Variants in THAP12 observed in about 807,000 individuals in gnomAD.
THAP12 encodes the protein THAP domain containing 12.
THAP12 carries 20 observed loss-of-function variants against 63.0 expected under a neutral mutation model. That is an observed-to-expected ratio of 0.32 (90% CI 0.22 to 0.46). The LOEUF (loss-of-function observed/expected upper bound fraction) is 0.46. THAP12 is among the 20% of genes least tolerant of loss of function. The pLI is 1.00. For missense variants in THAP12, 568 were observed against 908.2 expected, an observed-to-expected ratio of 0.63 and a Z score of 4.81; for synonymous variants, 264 against 328.4, an observed-to-expected ratio of 0.80 and a Z score of 2.12.
At chr11:76,356,830 G>A (rs1468661116) in intron 3 of THAP12, 1 of 152,086 alleles carries the variant, frequency 6.6e-6, no homozygotes, top group Non-Finnish European at 1.5e-5. Flanking sequence ...ATCACCTGAG[G>A]TCGGGAGTTC....
rs772889166 is a variant in THAP12 at position 76,351,507 on chromosome 11, A to G, written c.1643T>C (p.Ile548Thr). Residue 548 changes from isoleucine (I) to threonine (T), a missense_variant, in exon 5 of 5, where the codon ATT becomes ACT. Coordinates refer to ENST00000260045, the MANE Select transcript of THAP12 (RefSeq NM_004705.4). ...GAATTTCCCAGGGAGTTTCATTTGA[A>G]TATCAAGTTTGGTTGCCAAATTTGT... is the stretch of plus-strand genomic sequence containing the variant. ...EATNLATKLDIQMKLPGKFRR... is the reference protein window; with the variant it reads ...EATNLATKLDTQMKLPGKFRR... The G allele has an allele frequency of 1.3e-6, 2 of 1,555,350 alleles. No individual in the cohort carries two copies. Among genetic ancestry groups the G allele is most frequent in the Non-Finnish European group, 1.7e-6 (2 of 1,151,450 alleles).
chr11:76,350,730 G>A lies in THAP12; in HGVS notation c.*134C>T. On this transcript the variant is annotated 3_prime_UTR_variant, in exon 5 of 5. Coordinates refer to ENST00000260045, the MANE Select transcript of THAP12 (RefSeq NM_004705.4). ...AGTTCAAACAGGGGCCATTTAAACAGGTAGATTATCAATGGCTAATGTATT... is the reference window on the plus strand; with the variant it reads ...AGTTCAAACAGGGGCCATTTAAACAAGTAGATTATCAATGGCTAATGTATT... 1.5e-6 allele frequency: 1 copy of A among 668,644 alleles called. No homozygotes were observed. The highest frequency in any genetic ancestry group is 2.3e-6 in the Non-Finnish European group (1 of 441,936). 41.4% of individuals were successfully genotyped at this position (668,644 alleles called of 1,614,324 possible).
chr11:76,374,440 T>C (rs1400745583), intron 1 of THAP12, among the ~76,000 whole-genome samples: 1 of 151,630 alleles, frequency 6.6e-6, no homozygotes, highest in Non-Finnish European at 1.5e-5. Flanking sequence ...GAAAAGTCTT[T>C]AAGTATTAGA....
Position 76,350,435 on chromosome 11 carries a change from C to T in THAP12, c.*429G>A, listed in dbSNP as rs1191712942. ...CTGTCCAGTATAGATTTTTAACATA[C>T]TTAAAACTCCTATTAGTCAAAGGTC... is the stretch of plus-strand genomic sequence containing the variant. On this transcript the variant is annotated 3_prime_UTR_variant, in exon 5 of 5. Coordinates refer to ENST00000260045, the MANE Select transcript of THAP12 (RefSeq NM_004705.4). 6.5e-6 allele frequency: 1 copy of T among 153,186 alleles called. No homozygotes were observed. The highest frequency in any genetic ancestry group is 1.5e-5 in the Non-Finnish European group (1 of 68,638). The allele number at this position is 153,186 out of a possible 1,614,324, so 9.5% of individuals were successfully genotyped here. A position where few individuals can be genotyped will look rare whatever the true frequency, so the allele number is the denominator to read the frequency against.
chr11:76,357,199 G>A (rs1276155482), intron 3 of THAP12: 1 of 152,152 alleles, frequency 6.6e-6, no homozygotes, highest in Non-Finnish European at 1.5e-5. Context: ...GAGGATGTGT[G>A]TAAGTTATAT....
At position 76,350,732 on chromosome 11, in the gene THAP12, T is replaced by C. The variant is rs1286136036; in HGVS notation, c.*132A>G. Reference sequence around the variant, plus strand: ...TTCAAACAGGGGCCATTTAAACAGGTAGATTATCAATGGCTAATGTATTCA... The same window carrying C: ...TTCAAACAGGGGCCATTTAAACAGGCAGATTATCAATGGCTAATGTATTCA... On this transcript the variant is annotated 3_prime_UTR_variant, in exon 5 of 5. Coordinates refer to ENST00000260045, the MANE Select transcript of THAP12 (RefSeq NM_004705.4). 8 of 686,662 alleles carry C rather than the reference T, an allele frequency of 1.2e-5. No individual in the cohort carries two copies. Among genetic ancestry groups the C allele is most frequent in the Non-Finnish European group, 1.7e-5 (8 of 458,304 alleles). 42.5% of individuals were successfully genotyped at this position (686,662 alleles called of 1,614,324 possible).
intron 1 of THAP12, among the ~76,000 whole-genome samples, chr11:76,371,810 C>CTTTTTTTTT (rs71036086): frequency 1.5e-5 from 1 of 65,774 alleles, no homozygotes; most frequent in African/African-American, 6.1e-5. Context: ...TTTAACTTTT[C>CTTTTTTTTT]TTTTTTTTTT....
intron 3 of THAP12, chr11:76,357,504 T>C (rs1751455070): frequency 6.6e-6 from 1 of 151,484 alleles, no homozygotes; most frequent in Admixed American, 6.6e-5. Flanking sequence ...AGATACAGGT[T>C]AGCAAATTTT....
At chr11:76,371,510 G>A (rs1476713962) in intron 1 of THAP12, among the ~76,000 whole-genome samples, 2 of 152,172 alleles carry the variant, frequency 1.3e-5, no homozygotes, top group Non-Finnish European at 2.9e-5. Flanking sequence ...ACCTCTCCAT[G>A]TATAATATCT....
chr11:76,370,791 C>A (rs1286585604), intron 1 of THAP12, among the ~76,000 whole-genome samples: 1 of 144,750 alleles, frequency 6.9e-6, no homozygotes, highest in Non-Finnish European at 1.5e-5. Flanking sequence ...CACTGCACTC[C>A]AGCCTGGCAA....
At chr11:76,352,831 T>C (rs1342984357) in intron 4 of THAP12, 37 bp from the exon 5 acceptor site, 37 of 1,502,040 alleles carry the variant, frequency 2.5e-5, no homozygotes, top group Non-Finnish European at 3.0e-5. Context: ...AACAGGCTCA[T>C]GAAAAACCAT....
intron 3 of THAP12, 145 bp downstream of exon 3, chr11:76,360,811 C>T (rs200293698): frequency 2.5e-4 from 159 of 630,152 alleles, no homozygotes; most frequent in East Asian, 1.6e-3. Flanking sequence ...CACATCTAGG[C>T]TATTTAACAA....
At chr11:76,363,655 C>G (rs531453785) in intron 2 of THAP12, among the ~76,000 whole-genome samples, 1 of 152,218 alleles carries the variant, frequency 6.6e-6, no homozygotes, top group African/African-American at 2.4e-5. Context: ...GTGGCACAAT[C>G]TTGGCTCACT....
intron 1 of THAP12, among the ~76,000 whole-genome samples, chr11:76,375,409 C>A (rs1299831733): frequency 2.2e-5 from 3 of 138,374 alleles, no homozygotes; most frequent in Non-Finnish European, 3.1e-5. Context: ...TTTTTTTTTA[C>A]TTAAACCGTG....
rs769103805 is a variant in THAP12 at position 76,351,941 on chromosome 11, G to A, written c.1209C>T (p.Asn403=). ...RSPQLLLELD[N]VISVLFQNSK... The stretch of plus-strand genomic sequence containing the variant: ...TGTTCTGAAAAAGAACAGAAATTAC[G>A]TTGTCAAGTTCTAAAAGCAGTTGTG... Residue 403 remains asparagine, a synonymous_variant, in exon 5 of 5, where the codon AAC becomes AAT. Coordinates refer to ENST00000260045, the MANE Select transcript of THAP12 (RefSeq NM_004705.4). The A allele has an allele frequency of 2.6e-5, 41 of 1,597,606 alleles. 1 individual carries two copies. In the East Asian group the frequency reaches 3.6e-4, roughly 14 times the overall value.
intron 1 of THAP12, among the ~76,000 whole-genome samples, chr11:76,372,222 G>A (rs1000422203): frequency 6.6e-6 from 1 of 152,146 alleles, no homozygotes; most frequent in African/African-American, 2.4e-5. Context: ...ACAAAGTGCT[G>A]GGATTACAGG....
rs1350208170 is a variant in THAP12, at chr11:76,349,962, C to T, written c.*902G>A. 1 of 152,648 alleles carries T rather than the reference C, an allele frequency of 6.6e-6. No individual in the cohort carries two copies. The highest frequency in any genetic ancestry group is 1.5e-5 in the Non-Finnish European group (1 of 68,000). 9.5% of individuals were successfully genotyped at this position (152,648 alleles called of 1,614,324 possible). The stretch of plus-strand genomic sequence containing the variant: ...AAAAATAATGTGCCTAAGCTTTAAA[C>T]AAAATTCACATTTTATTTAGATTGA... On this transcript the variant is annotated 3_prime_UTR_variant, in exon 5 of 5. Coordinates refer to ENST00000260045, the MANE Select transcript of THAP12 (RefSeq NM_004705.4).
chr11:76,361,377 C>T (rs922151323), intron 2 of THAP12: 34 of 202,572 alleles, frequency 1.7e-4, no homozygotes, highest in Non-Finnish European at 2.2e-4. Flanking sequence ...TCCATGAGCC[C>T]ACCAAATCTA....
In THAP12 at chr11:76,352,382, G is replaced by C. The variant is rs1946533479; in HGVS notation, c.768C>G (p.Asp256Glu). The change falls in exon 5 of 5, where the codon GAC (aspartate) becomes GAG (glutamate). Residue 256 changes from aspartate (D) to glutamate (E), a missense_variant. By Grantham distance (45) the Asp-to-Glu change is conservative. Coordinates refer to ENST00000260045, the MANE Select transcript of THAP12 (RefSeq NM_004705.4). The part of the protein sequence containing the change: ...IREETLREVR[D>E]SHFFSIITDD... ...CAGTGATAATGGAAAAGAAGTGTGA[G>C]TCTCTCACTTCCCTGAGAGTTTCTT... The C allele has an allele frequency of 7.4e-6, 12 of 1,611,876 alleles. No individual in the cohort carries two copies. Among genetic ancestry groups the C allele is most frequent in the Non-Finnish European group, 1.0e-5 (12 of 1,179,846 alleles).
Sources: allele counts gnomAD v4.1 joint callset (sites outside exome capture counted in the v4.1 genomes callset), GRCh38; gene constraint gnomAD v4.1.1; transcripts MANE v1.5; gene names NCBI Gene and HGNC (gene_info 2026-07-23, HGNC 2026-07-21).